The following FARP2 variants were observed in gnomAD, a reference collection of about 807,000 sequenced individuals.
The protein encoded by FARP2 is FERM, ARHGEF and pleckstrin domain-containing protein 2.
Under a neutral mutation model 130.5 loss-of-function variants are expected in FARP2, and 111 were observed. The observed-to-expected ratio is 0.85, with a 90% CI of 0.73 to 1.00. The LOEUF (loss-of-function observed/expected upper bound fraction) is 1.00, where lower values mean the gene tolerates loss of function less well. FARP2 is among the 50% of genes least tolerant of loss of function. FARP2 has a pLI of 0.00. For missense variants in FARP2, 1,385 were observed against 1,346.3 expected, an observed-to-expected ratio of 1.03 and a Z score of -0.45; for synonymous variants, 504 against 516.9, an observed-to-expected ratio of 0.98 and a Z score of 0.34.
intron 5 of FARP2, among the ~76,000 whole-genome samples, chr2:241,408,775 C>T (rs1479952650): frequency 6.6e-6 from 1 of 152,062 alleles, no homozygotes; most frequent in Non-Finnish European, 1.5e-5. Flanking sequence ...ATAAATGAAT[C>T]AGATGTCTTA....
intron 14 of FARP2, among the ~76,000 whole-genome samples, chr2:241,458,984 C>T (rs1035878885): frequency 3.9e-5 from 6 of 152,216 alleles, no homozygotes. Context: ...GCCCTTGGGC[C>T]CAGCCCCTGC....
chr2:241,367,646 G>T (rs902405070), intron 1 of FARP2, among the ~76,000 whole-genome samples: 3 of 152,054 alleles, frequency 2.0e-5, no homozygotes, highest in Admixed American at 6.5e-5. Flanking sequence ...GAGGAGTTTA[G>T]TTTTTTATTT....
chr2:241,464,538 A>G (rs148920914), intron 17 of FARP2, among the ~76,000 whole-genome samples: 18 of 104,654 alleles, frequency 1.7e-4, no homozygotes, highest in African/African-American at 5.6e-4. Context: ...CCCAGAGCAG[A>G]GTCCCCCCTA....
intron 1 of FARP2, among the ~76,000 whole-genome samples, chr2:241,357,325 TG>T (rs2061091848): frequency 6.6e-6 from 1 of 151,816 alleles, no homozygotes; most frequent in Non-Finnish European, 1.5e-5. Flanking sequence ...GTTGGTCTTG[TG>T]TAGACTGCCT....
chr2:241,420,926 C>T (rs569593090), intron 8 of FARP2, among the ~76,000 whole-genome samples: 4 of 152,236 alleles, frequency 2.6e-5, no homozygotes, highest in East Asian at 1.9e-4. Flanking sequence ...ACACCACTCA[C>T]GAAGAGGAAA....
At chr2:241,437,658 A>ATTTTTTTTTTTTTTTT (rs1478318608) in intron 12 of FARP2, among the ~76,000 whole-genome samples, 3 of 134,344 alleles carry the variant, frequency 2.2e-5, no homozygotes, top group African/African-American at 7.9e-5. Flanking sequence ...ATATTTATTT[A>ATTTTTTTTTTTTTTTT]TTTATTTATT....
rs761288895 is a variant in FARP2 at position 241,491,145 on chromosome 2, A to C, written c.2589A>C (p.Ala863=). 6.2e-7 allele frequency: 1 copy of C among 1,613,152 alleles called. No homozygotes were observed. The highest frequency in any genetic ancestry group is 8.5e-7 in the Non-Finnish European group (1 of 1,179,924). ...AAKSGGDTAP[A]LPGRTVCTRP... ...AGAGTGGCGGTGACACGGCCCCTGCACTGCCAGGCCGCACTGTGTGCACTC... is the reference window on the plus strand; with the variant it reads ...AGAGTGGCGGTGACACGGCCCCTGCCCTGCCAGGCCGCACTGTGTGCACTC... Residue 863 remains alanine (A), a synonymous_variant, in exon 23 of 27, where the codon GCA becomes GCC. Coordinates refer to ENST00000264042, the MANE Select transcript of FARP2 (RefSeq NM_014808.4).
chr2:241,490,659 T>A (rs2064867577), intron 22 of FARP2, among the ~76,000 whole-genome samples: 1 of 152,198 alleles, frequency 6.6e-6, no homozygotes, highest in Non-Finnish European at 1.5e-5. Context: ...CAGCTCTGAC[T>A]CTGCAGCGCC....
intron 1 of FARP2, among the ~76,000 whole-genome samples, chr2:241,366,125 A>ATATATATACATATATATATATATACG (rs747717812): frequency 0.011 from 720 of 67,378 alleles, 32 homozygotes; most frequent in Non-Finnish European, 0.013. Context: ...ATATATACGT[A>ATATATATACATATATATATATATACG]TATATATATA....
intron 2 of FARP2, among the ~76,000 whole-genome samples, chr2:241,396,875 A>G (rs1253363941): frequency 6.6e-6 from 1 of 152,234 alleles, no homozygotes; most frequent in East Asian, 1.9e-4. Flanking sequence ...CTATAAAGAC[A>G]CATGCACACG....
intron 1 of FARP2, among the ~76,000 whole-genome samples, chr2:241,361,227 C>T (rs1004068840): frequency 2.6e-5 from 4 of 152,176 alleles, no homozygotes; most frequent in African/African-American, 9.7e-5. Context: ...CCCCATTGGA[C>T]CTATTCACAT....
At chr2:241,478,422 G>T in intron 19 of FARP2, 1 of 247,184 alleles carries the variant, frequency 4.0e-6, no homozygotes, top group Non-Finnish European at 8.0e-6. Flanking sequence ...GCACCCGGTA[G>T]CTTGTCCAAA....
intron 5 of FARP2, among the ~76,000 whole-genome samples, chr2:241,408,094 G>T (rs1186623380): frequency 6.6e-6 from 1 of 152,214 alleles, no homozygotes; most frequent in Non-Finnish European, 1.5e-5. Context: ...AGATGGCAGG[G>T]TGCAATGGCT....
At chr2:241,462,684 T>G in intron 15 of FARP2, 72 bp downstream of exon 15, 1 of 1,048,844 alleles carries the variant, frequency 9.5e-7, no homozygotes, top group Non-Finnish European at 1.5e-6. Context: ...GAAATATCTC[T>G]TTTTTTTCTT....
At chr2:241,375,901 T>C (rs959730869) in intron 2 of FARP2, among the ~76,000 whole-genome samples, 26 of 152,134 alleles carry the variant, frequency 1.7e-4, no homozygotes, top group Middle Eastern at 3.2e-3. Context: ...TTGGGGTATT[T>C]TTTACATTGT....
At chr2:241,435,386 G>T (rs1211033400) in intron 11 of FARP2, among the ~76,000 whole-genome samples, 1 of 151,676 alleles carries the variant, frequency 6.6e-6, no homozygotes, top group Admixed American at 6.6e-5. Context: ...GATTATAGGT[G>T]TGAGCCACCA....
chr2:241,435,056 A>C, intron 11 of FARP2, 26 bp downstream of exon 11: 2 of 1,365,962 alleles, frequency 1.5e-6, no homozygotes, highest in Middle Eastern at 3.8e-4. Flanking sequence ...TATGATGTAA[A>C]GTGTGTGCTT....
At chr2:241,476,134 A>C in intron 19 of FARP2, 147 bp downstream of exon 19, 3 of 576,772 alleles carry the variant, frequency 5.2e-6, no homozygotes, top group Non-Finnish European at 8.6e-6. Context: ...ATACTTTGGG[A>C]GGCTGAGGTG....
At position 241,463,255 on chromosome 2, in the gene FARP2, T is replaced by G. The variant is rs141342406; in HGVS notation, c.1678-80T>G. The G allele has an allele frequency of 7.9e-3, 11,918 of 1,516,026 alleles. 67 individuals are homozygous for G. The highest frequency in any genetic ancestry group is 0.021 in the Middle Eastern group (96 of 4,540). 93.9% of individuals were successfully genotyped at this position (1,516,026 alleles called of 1,614,324 possible). ...TGGAGGGTCATCACTGGGTGACCTA[T>G]GGCTACAGGCCCTCAGGGGCACAGT... On this transcript the variant is annotated intron_variant, in intron 15 of 26. Transcript: ENST00000264042.
Sources: gnomAD v4.1 joint callset for allele counts (sites outside exome capture counted in the v4.1 genomes callset) on GRCh38, gnomAD v4.1.1 for gene constraint, MANE v1.5 for transcripts, NCBI Gene and HGNC (gene_info 2026-07-23, HGNC 2026-07-21) for gene names.